The following CDYL2 variants were observed in gnomAD, a reference collection of about 807,000 sequenced individuals.
CDYL2 encodes the protein chromodomain Y like 2.
Under a neutral mutation model 49.4 loss-of-function variants are expected in CDYL2, and 23 were observed. That is an observed-to-expected ratio of 0.47 (90% CI 0.34 to 0.66). The LOEUF is 0.66. Ranked by LOEUF, CDYL2 falls within the 30% of genes least tolerant of loss-of-function variation. The pLI, the probability that CDYL2 is intolerant of heterozygous loss-of-function variation, is 0.01. For missense variants in CDYL2, 678 were observed against 656.4 expected, an observed-to-expected ratio of 1.03 and a Z score of -0.36; for synonymous variants, 360 against 268.8, an observed-to-expected ratio of 1.34 and a Z score of -3.32.
At chr16:80,659,077 ATGG>A (rs1567559304) in intron 2 of CDYL2, among the ~76,000 whole-genome samples, 2 of 150,648 alleles carry the variant, frequency 1.3e-5, no homozygotes, top group Non-Finnish European at 2.9e-5. Context: ...GGATGGATGG[ATGG>A]ATGGATGGAT....
intron 1 of CDYL2, among the ~76,000 whole-genome samples, chr16:80,735,455 A>G (rs868348178): frequency 2.6e-5 from 4 of 152,344 alleles, no homozygotes; most frequent in South Asian, 2.1e-4. Context: ...GTCAAAAATT[A>G]ATGAGCTAAA....
intron 2 of CDYL2, among the ~76,000 whole-genome samples, chr16:80,648,333 T>G (rs1908440995): frequency 6.6e-6 from 1 of 152,062 alleles, no homozygotes; most frequent in Non-Finnish European, 1.5e-5. Context: ...TAACTGATAC[T>G]GCAGAAATTC....
chr16:80,764,623 T>A (rs1031331949), intron 1 of CDYL2, among the ~76,000 whole-genome samples: 4 of 152,048 alleles, frequency 2.6e-5, no homozygotes, highest in Admixed American at 2.6e-4. Context: ...CTCAGGTATG[T>A]TAATAAACTG....
At chr16:80,751,897 T>A (rs16953948) in intron 1 of CDYL2, among the ~76,000 whole-genome samples, 32,493 of 152,012 alleles carry the variant, frequency 0.21, 3,548 homozygotes, top group South Asian at 0.27. Context: ...GAGGACAGGA[T>A]AAATTTTCTC....
chr16:80,618,331 C>T (rs1391700182), intron 4 of CDYL2, among the ~76,000 whole-genome samples: 1 of 152,232 alleles, frequency 6.6e-6, no homozygotes, highest in Non-Finnish European at 1.5e-5. Flanking sequence ...CCTCTGACAC[C>T]TCTTTCTCCA....
chr16:80,710,220 C>G (rs1904549333), intron 1 of CDYL2, among the ~76,000 whole-genome samples: 1 of 152,102 alleles, frequency 6.6e-6, no homozygotes, highest in East Asian at 1.9e-4. Flanking sequence ...AGCCACCATG[C>G]CTGGCCTGGC....
Position 80,684,831 on chromosome 16 carries a change from C to T in CDYL2, c.323G>A (p.Arg108Gln), listed in dbSNP as rs151165278. The T allele has an allele frequency of 3.8e-3, 6,088 of 1,614,140 alleles. 11 individuals carry two copies. The highest frequency in any genetic ancestry group is 4.5e-3 in the Non-Finnish European group (5,321 of 1,180,036). Residue 108 changes from arginine (R) to glutamine (Q), a missense_variant, in exon 2 of 7, where the codon CGA becomes CAA. Arg to Gln is a conservative substitution (Grantham distance 43). Transcript: ENST00000570137. ...TGGCTTGGCCAGGGGAGGGTTAATT[C>T]GCTTCCGTTTATGGGAGGTCCCCTT... Reference protein sequence around the residue: ...KSKGTSHKRKRINPPLAKPKK... With the variant: ...KSKGTSHKRKQINPPLAKPKK...
At chr16:80,648,842 T>TAC (rs1187880200) in intron 2 of CDYL2, among the ~76,000 whole-genome samples, 2 of 152,148 alleles carry the variant, frequency 1.3e-5, no homozygotes, top group Non-Finnish European at 2.9e-5. Flanking sequence ...TGGTTCAACA[T>TAC]ACACAAATCA....
chr16:80,696,425 C>T (rs1910615459), intron 1 of CDYL2, among the ~76,000 whole-genome samples: 2 of 151,666 alleles, frequency 1.3e-5, no homozygotes, highest in South Asian at 4.2e-4. Flanking sequence ...AAAAGGTCAA[C>T]AATACAGTTT....
At chr16:80,624,213 T>C (rs888003141) in intron 3 of CDYL2, among the ~76,000 whole-genome samples, 6 of 152,204 alleles carry the variant, frequency 3.9e-5, no homozygotes, top group Non-Finnish European at 7.3e-5. Flanking sequence ...AGGAAGCCTA[T>C]GATGGAATCG....
chr16:80,749,007 A>C (rs1312354070), intron 1 of CDYL2, among the ~76,000 whole-genome samples: 1 of 152,224 alleles, frequency 6.6e-6, no homozygotes, highest in African/African-American at 2.4e-5. Flanking sequence ...TCAAAATATA[A>C]GGTTAAAGCT....
chr16:80,793,855 G>C (rs1907683889), intron 1 of CDYL2, among the ~76,000 whole-genome samples: 1 of 152,076 alleles, frequency 6.6e-6, no homozygotes, highest in Non-Finnish European at 1.5e-5. Flanking sequence ...TTCACTAATA[G>C]CAAAATTTTT....
At chr16:80,793,825 C>A (rs886351765) in intron 1 of CDYL2, among the ~76,000 whole-genome samples, 2 of 152,020 alleles carry the variant, frequency 1.3e-5, no homozygotes, top group African/African-American at 4.8e-5. Flanking sequence ...CATTAACTTC[C>A]GAGAATAATA....
chr16:80,654,697 C>A (rs529529700), intron 2 of CDYL2, among the ~76,000 whole-genome samples: 1 of 152,318 alleles, frequency 6.6e-6, no homozygotes, highest in African/African-American at 2.4e-5. Context: ...CTGCTACATG[C>A]AAGGCAACGC....
chr16:80,784,590 A>G (rs1907374120), intron 1 of CDYL2, among the ~76,000 whole-genome samples: 1 of 152,188 alleles, frequency 6.6e-6, no homozygotes, highest in South Asian at 2.1e-4. Flanking sequence ...GCAGGAAAAA[A>G]AGATAGTGAT....
intron 2 of CDYL2, among the ~76,000 whole-genome samples, chr16:80,651,102 G>A (rs959124136): frequency 6.6e-6 from 1 of 152,130 alleles, no homozygotes; most frequent in African/African-American, 2.4e-5. Context: ...ATAACTAAAA[G>A]AGTGTAACTG....
chr16:80,606,340 A>G (rs773560729), intron 6 of CDYL2, among the ~76,000 whole-genome samples: 3 of 151,326 alleles, frequency 2.0e-5, no homozygotes, highest in Non-Finnish European at 4.4e-5. Context: ...TCCTTGCAGT[A>G]TTCCTTGTCC....
chr16:80,615,373 G>C (rs555329352), intron 4 of CDYL2, among the ~76,000 whole-genome samples: 1 of 152,260 alleles, frequency 6.6e-6, no homozygotes, highest in African/African-American at 2.4e-5. Context: ...CCATTCCTGA[G>C]TGACCTCATA....
At chr16:80,637,384 C>A (rs1907883469) in intron 2 of CDYL2, among the ~76,000 whole-genome samples, 1 of 152,130 alleles carries the variant, frequency 6.6e-6, no homozygotes, top group Non-Finnish European at 1.5e-5. Context: ...CAATATCACA[C>A]TGAGAGTCCT....
Sources: allele counts gnomAD v4.1 joint callset (sites outside exome capture counted in the v4.1 genomes callset), GRCh38; gene constraint gnomAD v4.1.1; transcripts MANE v1.5; gene names NCBI Gene and HGNC (gene_info 2026-07-23, HGNC 2026-07-21).